Variants in GABRG3 observed in about 807,000 individuals in gnomAD.
The protein encoded by GABRG3 is gamma-aminobutyric acid receptor subunit gamma-3.
In GABRG3, 25 loss-of-function variants were observed where a neutral mutation model predicts 48.8. That is an observed-to-expected ratio of 0.51 (90% CI 0.37 to 0.72). GABRG3 has a LOEUF of 0.72. Ranked by LOEUF, GABRG3 falls within the 30% of genes least tolerant of loss-of-function variation. The pLI, the probability that GABRG3 is intolerant of heterozygous loss-of-function variation, is 0.00. For missense variants in GABRG3, 394 were observed against 577.9 expected, an observed-to-expected ratio of 0.68 and a Z score of 3.26; for synonymous variants, 227 against 217.6, an observed-to-expected ratio of 1.04 and a Z score of -0.38.
At chr15:27,506,327 C>A (rs1420091702) in intron 6 of GABRG3, among the ~76,000 whole-genome samples, 3 of 152,016 alleles carry the variant, frequency 2.0e-5, no homozygotes, top group Admixed American at 2.0e-4. Context: ...TTATACAAGC[C>A]CTTTACAAAT....
chr15:27,348,367 A>G (rs1894449139), intron 5 of GABRG3, among the ~76,000 whole-genome samples: 1 of 152,292 alleles, frequency 6.6e-6, no homozygotes, highest in Admixed American at 6.5e-5. Context: ...AGAGTTAAGA[A>G]CAGTATCTAG....
At chr15:27,127,270 C>G (rs1365791472) in intron 3 of GABRG3, among the ~76,000 whole-genome samples, 1 of 151,650 alleles carries the variant, frequency 6.6e-6, no homozygotes, top group Non-Finnish European at 1.5e-5. Context: ...ATGATTCAGC[C>G]CAAAAAAGGA....
chr15:26,980,294 C>A (rs996768454), intron 2 of GABRG3, among the ~76,000 whole-genome samples: 5 of 151,944 alleles, frequency 3.3e-5, no homozygotes, highest in African/African-American at 1.2e-4. Flanking sequence ...TTTTTGTTCC[C>A]AATTACATCA....
intron 6 of GABRG3, among the ~76,000 whole-genome samples, chr15:27,489,278 T>C (rs1380049115): frequency 1.3e-5 from 2 of 152,212 alleles, no homozygotes; most frequent in Admixed American, 6.5e-5. Context: ...CAGTCTATCA[T>C]TGATGGGCAT....
At chr15:27,260,674 G>T (rs1020494080) in intron 3 of GABRG3, among the ~76,000 whole-genome samples, 1 of 152,180 alleles carries the variant, frequency 6.6e-6, no homozygotes, top group Admixed American at 6.5e-5. Context: ...TATACTGAGG[G>T]ATGATTGTAT....
chr15:27,372,368 A>G (rs1415954619), intron 5 of GABRG3, among the ~76,000 whole-genome samples: 1 of 152,104 alleles, frequency 6.6e-6, no homozygotes, highest in African/African-American at 2.4e-5. Flanking sequence ...TTTGATTTTC[A>G]TTTAAACTTT....
intron 7 of GABRG3, among the ~76,000 whole-genome samples, chr15:27,523,104 G>A (rs1595809852): frequency 6.6e-6 from 1 of 151,734 alleles, no homozygotes; most frequent in South Asian, 2.1e-4. Context: ...TACTCAAATG[G>A]TAAAACTAGA....
intron 3 of GABRG3, among the ~76,000 whole-genome samples, chr15:27,306,994 A>ATATATAAACATATAT (rs1892557710): frequency 8.6e-6 from 1 of 115,738 alleles, no homozygotes; most frequent in Non-Finnish European, 1.6e-5. Flanking sequence ...AAACATGTTT[A>ATATATAAACATATAT]TATATAAACA....
intron 5 of GABRG3, among the ~76,000 whole-genome samples, chr15:27,423,460 T>C (rs368937219): frequency 6.6e-6 from 1 of 151,706 alleles, no homozygotes; most frequent in East Asian, 1.9e-4. Flanking sequence ...TGCAGTCTAT[T>C]ATCAAATCTG....
chr15:27,407,885 A>G (rs907730578), intron 5 of GABRG3, among the ~76,000 whole-genome samples: 5 of 152,218 alleles, frequency 3.3e-5, no homozygotes, highest in Admixed American at 6.5e-5. Flanking sequence ...CGATATTACA[A>G]TAGTGGCTAT....
At chr15:27,474,703 G>A (rs2150842026) in intron 5 of GABRG3, among the ~76,000 whole-genome samples, 2 of 152,254 alleles carry the variant, frequency 1.3e-5, no homozygotes, top group Admixed American at 1.3e-4. Context: ...AGAAAACTAT[G>A]GAAGACAGGC....
chr15:27,025,891 C>T (rs1895975352), intron 2 of GABRG3, among the ~76,000 whole-genome samples: 1 of 152,196 alleles, frequency 6.6e-6, no homozygotes, highest in South Asian at 2.1e-4. Context: ...CATCCTTTGT[C>T]AGCCACTGAG....
At chr15:27,280,690 A>C (rs1255962653) in intron 3 of GABRG3, among the ~76,000 whole-genome samples, 1 of 152,210 alleles carries the variant, frequency 6.6e-6, no homozygotes, top group East Asian at 1.9e-4. Context: ...AGGATCAGAA[A>C]ACAAACTGTA....
At chr15:27,268,953 T>C (rs1368418761) in intron 3 of GABRG3, among the ~76,000 whole-genome samples, 1 of 152,222 alleles carries the variant, frequency 6.6e-6, no homozygotes, top group Non-Finnish European at 1.5e-5. Context: ...TCTCAGGGAT[T>C]ACTGAACCTC....
chr15:27,032,310 G>T lies in GABRG3; in HGVS notation c.270+5489G>T, dbSNP rs752678452. Reference sequence around the variant, plus strand: ...ACACATTAACCATGAAGTCCCTTCTGCCATCTCTGGTTCCATTTCTAATGT... The same window carrying T: ...ACACATTAACCATGAAGTCCCTTCTTCCATCTCTGGTTCCATTTCTAATGT... On this transcript the variant is annotated intron_variant, in intron 3 of 9. Coordinates refer to ENST00000615808, the MANE Select transcript of GABRG3 (RefSeq NM_033223.5). 2.7e-4 allele frequency among the ~76,000 whole-genome samples: 41 copies of T among 152,156 alleles called. 1 individual carries two copies. Among genetic ancestry groups the T allele is most frequent in the Non-Finnish European group, 5.9e-4 (40 of 68,032 alleles).
chr15:27,037,411 C>T (rs1190862276), intron 3 of GABRG3, among the ~76,000 whole-genome samples: 1 of 152,136 alleles, frequency 6.6e-6, no homozygotes, highest in Admixed American at 6.5e-5. Flanking sequence ...CTGAGAGGGT[C>T]GACTGGCTAA....
intron 6 of GABRG3, among the ~76,000 whole-genome samples, chr15:27,490,257 A>G (rs56379028): frequency 0.014 from 2,078 of 152,292 alleles, 44 homozygotes; most frequent in African/African-American, 0.045. Flanking sequence ...GCTTACCACA[A>G]ATTCGTTTTC....
intron 3 of GABRG3, among the ~76,000 whole-genome samples, chr15:27,274,767 G>A (rs1171260744): frequency 6.6e-6 from 1 of 152,100 alleles, no homozygotes; most frequent in African/African-American, 2.4e-5. Flanking sequence ...TACATGCATA[G>A]TGCTTTGCTT....
intron 3 of GABRG3, among the ~76,000 whole-genome samples, chr15:27,175,656 A>T (rs1427920010): frequency 6.6e-6 from 1 of 152,220 alleles, no homozygotes. Context: ...AGACGATAAA[A>T]CAAAGCAAAT....
Sources: gnomAD v4.1 joint callset for allele counts (sites outside exome capture counted in the v4.1 genomes callset) on GRCh38, gnomAD v4.1.1 for gene constraint, MANE v1.5 for transcripts, NCBI Gene and HGNC (gene_info 2026-07-23, HGNC 2026-07-21) for gene names.